The following MMP16 variants were observed in gnomAD, a reference collection of about 807,000 sequenced individuals.
MMP16 encodes the protein matrix metallopeptidase 16.
A neutral mutation model predicts 67.8 loss-of-function variants in MMP16; 12 were observed. That is an observed-to-expected ratio of 0.18 (90% CI 0.11 to 0.29). MMP16 has a LOEUF of 0.29. Among genes scored for constraint, MMP16 ranks in the 10% least tolerant of loss-of-function variants. MMP16 has a pLI of 1.00. For missense variants in MMP16, 475 were observed against 765.7 expected (o/e 0.62, Z 4.48); for synonymous variants, 249 against 255.9 (o/e 0.97, Z 0.26).
rs1411233814 is a variant in MMP16 at position 88,127,285 on chromosome 8, T to C, written c.710-8424A>G. On this transcript the variant is annotated intron_variant, in intron 4 of 9. Coordinates refer to ENST00000286614, the MANE Select transcript of MMP16 (RefSeq NM_005941.5). Reference sequence around the variant, plus strand: ...GTCTGACATTGAAATGATATTGCTGTACAGTAATTTGGCCTCAGTATGCAA... The same window carrying C: ...GTCTGACATTGAAATGATATTGCTGCACAGTAATTTGGCCTCAGTATGCAA... Among the ~76,000 whole-genome samples, 11 of 151,974 alleles carry C rather than the reference T, an allele frequency of 7.2e-5. No individual in the cohort carries two copies. The East Asian group carries it at 1.6e-3, about 22-fold the overall frequency.
intron 4 of MMP16, among the ~76,000 whole-genome samples, chr8:88,162,050 AC>A (rs1279015633): frequency 6.6e-6 from 1 of 151,314 alleles, no homozygotes; most frequent in Non-Finnish European, 1.5e-5. Context: ...TTTATTAACA[AC>A]TCTATATTAT....
At chr8:88,201,955 C>T (rs890159915) in intron 1 of MMP16, among the ~76,000 whole-genome samples, 4 of 152,082 alleles carry the variant, frequency 2.6e-5, no homozygotes, top group African/African-American at 9.7e-5. Flanking sequence ...TTATAACTAC[C>T]TATTAGCCAA....
At chr8:88,289,689 A>AACACACACAC (rs4043664) in intron 1 of MMP16, among the ~76,000 whole-genome samples, 2 of 144,260 alleles carry the variant, frequency 1.4e-5, no homozygotes, top group African/African-American at 2.6e-5. Flanking sequence ...TCCTAGAGGA[A>AACACACACAC]ACACACACAC....
chr8:88,296,631 C>T (rs1811016821), intron 1 of MMP16, among the ~76,000 whole-genome samples: 1 of 151,838 alleles, frequency 6.6e-6, no homozygotes, highest in African/African-American at 2.4e-5. Flanking sequence ...GCCAAGAGTT[C>T]GAAACCAGGC....
intron 4 of MMP16, among the ~76,000 whole-genome samples, chr8:88,144,928 T>C (rs1808267020): frequency 6.6e-6 from 1 of 152,034 alleles, no homozygotes; most frequent in African/African-American, 2.4e-5. Flanking sequence ...GTTAACAGAA[T>C]TTTCTCACTG....
Position 88,236,687 on chromosome 8 carries a change from T to C in MMP16, c.133-39381A>G, listed in dbSNP as rs559720254. Among the ~76,000 whole-genome samples the C allele has an allele frequency of 3.9e-5, 6 of 152,120 alleles. No homozygotes were observed. In the East Asian group the frequency reaches 1.2e-3, roughly 30 times the overall value. On this transcript the variant is annotated intron_variant, in intron 1 of 9. Coordinates refer to ENST00000286614, the MANE Select transcript of MMP16 (RefSeq NM_005941.5). Reference sequence around the variant, plus strand: ...TCGTTAGAGCCTGGGAGGTTGAGGCTGCAGTGAGCCGAGATCGCACCACTG... The same window carrying C: ...TCGTTAGAGCCTGGGAGGTTGAGGCCGCAGTGAGCCGAGATCGCACCACTG...
At chr8:88,155,773 C>T (rs969503936) in intron 4 of MMP16, among the ~76,000 whole-genome samples, 1 of 152,076 alleles carries the variant, frequency 6.6e-6, no homozygotes. Context: ...CCATAGCAAG[C>T]TTTTAATGGA....
chr8:88,165,911 T>G (rs2129696327), intron 4 of MMP16, among the ~76,000 whole-genome samples: 1 of 152,238 alleles, frequency 6.6e-6, no homozygotes, highest in East Asian at 1.9e-4. Flanking sequence ...CCACTAGTCT[T>G]CAAACCTGTT....
intron 1 of MMP16, among the ~76,000 whole-genome samples, chr8:88,252,160 C>T (rs1057398069): frequency 6.7e-6 from 1 of 148,774 alleles, no homozygotes; most frequent in African/African-American, 2.5e-5. Flanking sequence ...ACCCAAAGGA[C>T]TATAAATCAT....
At chr8:88,294,203 CTATA>C (rs931489152) in intron 1 of MMP16, among the ~76,000 whole-genome samples, 3 of 150,204 alleles carry the variant, frequency 2.0e-5, no homozygotes, top group South Asian at 2.1e-4. Flanking sequence ...CATATATAGA[CTATA>C]TATGTGTTGG....
chr8:88,149,036 T>C (rs1002228400), intron 4 of MMP16, among the ~76,000 whole-genome samples: 7 of 152,168 alleles, frequency 4.6e-5, no homozygotes, highest in Admixed American at 2.0e-4. Context: ...GGGCGAGGCA[T>C]TGCCTCACCT....
intron 1 of MMP16, among the ~76,000 whole-genome samples, chr8:88,240,108 C>T (rs560634625): frequency 3.3e-5 from 5 of 152,234 alleles, no homozygotes; most frequent in South Asian, 4.2e-4. Context: ...AGTCAACTTA[C>T]GCAATGCCCA....
At chr8:88,113,006 A>C (rs186679053) in intron 6 of MMP16, among the ~76,000 whole-genome samples, 6 of 151,964 alleles carry the variant, frequency 3.9e-5, no homozygotes, top group Admixed American at 2.0e-4. Flanking sequence ...TACCAAAATA[A>C]AATGCTTCAG....
chr8:88,294,522 G>GTATATATGTCTCTATACACACATATGTA (rs149744287), intron 1 of MMP16, among the ~76,000 whole-genome samples: 3 of 150,630 alleles, frequency 2.0e-5, no homozygotes, highest in African/African-American at 7.3e-5. Context: ...ACACACACAT[G>GTATATATGTCTCTATACACACATATGTA]TATATGTCTC....
chr8:88,298,075 T>C (rs1438881525), intron 1 of MMP16, among the ~76,000 whole-genome samples: 1 of 152,002 alleles, frequency 6.6e-6, no homozygotes, highest in Non-Finnish European at 1.5e-5. Flanking sequence ...GCTAAATAAA[T>C]TAAAAAGGTA....
At chr8:88,294,504 ATG>A (rs1810980920) in intron 1 of MMP16, among the ~76,000 whole-genome samples, 1 of 147,686 alleles carries the variant, frequency 6.8e-6, no homozygotes, top group African/African-American at 2.6e-5. Flanking sequence ...ACATATGTAT[ATG>A]TCTCTACACA....
intron 1 of MMP16, among the ~76,000 whole-genome samples, chr8:88,252,646 C>A (rs1323640632): frequency 1.2e-4 from 16 of 128,074 alleles, no homozygotes; most frequent in East Asian, 2.2e-4. Flanking sequence ...CACCTCTTAG[C>A]AAAAAAAAAA....
intron 1 of MMP16, among the ~76,000 whole-genome samples, chr8:88,203,321 C>G (rs1345534418): frequency 6.6e-6 from 1 of 151,890 alleles, no homozygotes; most frequent in Non-Finnish European, 1.5e-5. Context: ...CCAGGATGGT[C>G]TCGATCTCTT....
intron 1 of MMP16, among the ~76,000 whole-genome samples, chr8:88,207,490 C>T (rs551748515): frequency 9.2e-5 from 14 of 152,180 alleles, no homozygotes; most frequent in African/African-American, 3.4e-4. Context: ...TACTGCAATA[C>T]CATAAACCTT....
Sources: gnomAD v4.1 joint callset for allele counts (sites outside exome capture counted in the v4.1 genomes callset) on GRCh38, gnomAD v4.1.1 for gene constraint, MANE v1.5 for transcripts, NCBI Gene and HGNC (gene_info 2026-07-23, HGNC 2026-07-21) for gene names.